Variants in CELA3A observed in about 807,000 individuals in gnomAD.
The protein encoded by CELA3A is chymotrypsin like elastase 3A.
A neutral mutation model predicts 38.6 loss-of-function variants in CELA3A; 35 were observed. The ratio of observed to expected loss-of-function variants is 0.91; its 90% CI spans 0.69 to 1.20. The LOEUF is 1.20. Ranked by LOEUF, CELA3A falls within the 50% of genes most tolerant of loss-of-function variation. The pLI is 0.00. For synonymous variants in CELA3A, 143 were observed against 136.7 expected, an observed-to-expected ratio of 1.05 and a Z score of -0.32; for missense variants, 343 against 354.2, an observed-to-expected ratio of 0.97 and a Z score of 0.25.
Position 22,001,749 on chromosome 1 carries a change from G to T in CELA3A, c.43+32G>T, listed in dbSNP as rs764513432. The stretch of plus-strand genomic sequence containing the variant: ...CCCCAACCTGTCTGTGTGCTCCCTG[G>T]GCTGCCCTGGACTAGGAATCCTTGA... On this transcript the variant is annotated intron_variant, in intron 1 of 7. Coordinates refer to ENST00000290122, the MANE Select transcript of CELA3A (RefSeq NM_005747.5). 7 of 1,610,844 alleles carry T rather than the reference G, an allele frequency of 4.3e-6. 1 individual carries two copies. Among genetic ancestry groups the T allele is most frequent in the Non-Finnish European group, 5.9e-6 (7 of 1,178,238 alleles).
At chr1:22,005,628 G>T (rs773020499) in intron 3 of CELA3A, 34 bp from the exon 4 acceptor site, 1 of 1,612,356 alleles carries the variant, frequency 6.2e-7, no homozygotes, top group Non-Finnish European at 8.5e-7. Flanking sequence ...AGGTGAGCCA[G>T]TCAGGCCCCG....
chr1:22,007,642 C>G, intron 6 of CELA3A, 127 bp downstream of exon 6: 2 of 1,447,636 alleles, frequency 1.4e-6, no homozygotes, highest in South Asian at 1.4e-5. Flanking sequence ...CCAGGCAGGA[C>G]TTGGAGGAAA....
In CELA3A at chr1:22,005,722, C is replaced by T. The variant is rs541381745; in HGVS notation, c.288C>T (p.Pro96=). The change falls in exon 4 of 8, where the codon CCC becomes CCT. Residue 96 remains proline (P), a synonymous_variant. Transcript: ENST00000290122. ...GEYNLAVKEG[P]EQVIPINSEE... ...ACAACCTTGCTGTGAAGGAGGGCCC[C>T]GAGCAGGTGATCCCCATCAACTCTG... 14 of 1,612,374 alleles carry T rather than the reference C, an allele frequency of 8.7e-6. No individual in the cohort carries two copies. In the East Asian group the frequency reaches 8.9e-5, roughly 10 times the overall value.
Position 22,003,054 on chromosome 1 carries a change from G to A in CELA3A, c.95G>A (p.Gly32Asp), listed in dbSNP as rs769383326. Residue 32 changes from glycine to aspartate, a missense_variant, in exon 2 of 8, where the codon GGT becomes GAT. Gly to Asp is a moderately conservative substitution (Grantham distance 94). Coordinates refer to ENST00000290122, the MANE Select transcript of CELA3A (RefSeq NM_005747.5). ...CACTCTTCCAGCCGCGTTGTCCATG[G>A]TGAGGATGCGGTCCCCTACAGCTGG... The part of the protein sequence containing the change: ...SSHSSSRVVH[G>D]EDAVPYSWPW... 1.3e-6 allele frequency: 2 copies of A among 1,573,954 alleles called. No homozygotes were observed. Among genetic ancestry groups the A allele is most frequent in the Admixed American group, 1.7e-5 (1 of 58,788 alleles).
chr1:22,003,941 T>G (rs1428898371), intron 2 of CELA3A, among the ~76,000 whole-genome samples: 1 of 150,820 alleles, frequency 6.6e-6, no homozygotes, highest in Non-Finnish European at 1.5e-5. Flanking sequence ...TGACCTCAGG[T>G]GATCCACCTG....
At chr1:22,008,152 C>CTTTTTTTTTTTTTTTTTT (rs71016968) in intron 6 of CELA3A, among the ~76,000 whole-genome samples, 3 of 86,844 alleles carry the variant, frequency 3.5e-5, no homozygotes, top group Non-Finnish European at 7.1e-5. Context: ...GACGTTGTCT[C>CTTTTTTTTTTTTTTTTTT]TTTTTTTTTT....
rs1334316909 is a variant in CELA3A at position 22,005,492 on chromosome 1, G to A, written c.175G>A (p.Gly59Ser). The stretch of plus-strand genomic sequence containing the variant: ...AAGTGGAAGCTTCTACCACACGTGT[G>A]GCGGTAGCCTCATCGCCCCCGATTG... ...EKSGSFYHTC[G>S]GSLIAPDWVV... The change falls in exon 3 of 8, where the codon GGC (glycine) becomes AGC (serine). Residue 59 changes from glycine to serine, a missense_variant. By Grantham distance (56) the Gly-to-Ser change is moderately conservative. Coordinates refer to ENST00000290122, the MANE Select transcript of CELA3A (RefSeq NM_005747.5). 9.9e-6 allele frequency: 16 copies of A among 1,613,120 alleles called. No homozygotes were observed. The highest frequency in any genetic ancestry group is 1.4e-5 in the Non-Finnish European group (16 of 1,179,644).
chr1:22,007,680 G>A (rs1644959682), intron 6 of CELA3A, among the ~76,000 whole-genome samples, 165 bp downstream of exon 6: 1 of 150,996 alleles, frequency 6.6e-6, no homozygotes. Flanking sequence ...CAGAGCCCAG[G>A]CCTGGGAGTC....
At chr1:22,008,996 T>C (rs1569874207) in intron 6 of CELA3A, among the ~76,000 whole-genome samples, 1 of 151,662 alleles carries the variant, frequency 6.6e-6, no homozygotes, top group African/African-American at 2.4e-5. Context: ...TATAATCCCT[T>C]TGGGAGGCCC....
chr1:22,009,225 G>A (rs758187355), intron 6 of CELA3A, among the ~76,000 whole-genome samples: 20 of 151,398 alleles, frequency 1.3e-4, no homozygotes, highest in Non-Finnish European at 2.1e-4. Context: ...TTAGCCGGGC[G>A]TGGTAGTGGG....
At chr1:22,003,316 A>G (rs1284449085) in intron 2 of CELA3A, among the ~76,000 whole-genome samples, 1 of 151,132 alleles carries the variant, frequency 6.6e-6, no homozygotes, top group Non-Finnish European at 1.5e-5. Flanking sequence ...GGTGAAGGAA[A>G]TGCTAAACTC....
intron 7 of CELA3A, among the ~76,000 whole-genome samples, chr1:22,011,603 T>TA: frequency 8.0e-6 from 1 of 124,678 alleles, no homozygotes; most frequent in Non-Finnish European, 1.6e-5. Flanking sequence ...TACAAAAATA[T>TA]AAAAAAATTG....
chr1:22,005,834 C>G (rs753333660), intron 4 of CELA3A, 38 bp downstream of exon 4: 10 of 1,608,690 alleles, frequency 6.2e-6, no homozygotes, highest in Admixed American at 1.7e-5. Context: ...AGGGGCTCCT[C>G]TACTTGTCCC....
chr1:22,006,282 T>C (rs1043570836), intron 4 of CELA3A, among the ~76,000 whole-genome samples: 1 of 151,542 alleles, frequency 6.6e-6, no homozygotes, highest in Admixed American at 6.6e-5. Flanking sequence ...TTGCCATTTG[T>C]CAAAAGGTGA....
At position 22,005,587 on chromosome 1, in the gene CELA3A, G is replaced by C. The variant is rs376576486; in HGVS notation, c.227+43G>C. On this transcript the variant is annotated intron_variant, in intron 3 of 7. Coordinates refer to ENST00000290122, the MANE Select transcript of CELA3A (RefSeq NM_005747.5). ...TCCCTGCCTGTGGCCCTGGGCAGCG[G>C]GGGAGAGTGGGTGATGATGGGGAAG... 2.5e-4 allele frequency: 405 copies of C among 1,612,236 alleles called. 10 individuals are homozygous for C. The South Asian group carries it at 2.5e-3, about 10-fold the overall frequency.
chr1:22,003,043 C>T lies in CELA3A; in HGVS notation c.84C>T (p.Arg28=), dbSNP rs746312349. ...CACCTTCCTCTCACTCTTCCAGCCG[C>T]GTTGTCCATGGTGAGGATGCGGTCC... The part of the protein sequence containing the change: ...YGPPSSHSSS[R]VVHGEDAVPY... Residue 28 remains arginine (R), a synonymous_variant, in exon 2 of 8, where the codon CGC becomes CGT. Transcript: ENST00000290122. The T allele has an allele frequency of 7.6e-6, 12 of 1,571,970 alleles. No homozygotes were observed. The highest frequency in any genetic ancestry group is 1.7e-4 in the Middle Eastern group (1 of 5,964).
intron 1 of CELA3A, among the ~76,000 whole-genome samples, chr1:22,001,988 G>T (rs1357434949): frequency 1.3e-5 from 2 of 150,964 alleles, no homozygotes; most frequent in Non-Finnish European, 2.9e-5. Flanking sequence ...TAAGAGTTTG[G>T]ACTGTGTGGT....
chr1:22,008,403 G>A (rs1644963806), intron 6 of CELA3A, among the ~76,000 whole-genome samples: 1 of 150,650 alleles, frequency 6.6e-6, no homozygotes, highest in South Asian at 2.1e-4. Context: ...CTCCTGCCTT[G>A]GCCTTCCAAA....
intron 2 of CELA3A, among the ~76,000 whole-genome samples, chr1:22,003,684 A>AC (rs1644931437): frequency 1.3e-5 from 2 of 150,808 alleles, no homozygotes; most frequent in South Asian, 4.2e-4. Context: ...TCTGTCTCAA[A>AC]AAAAAAAATT....
Sources: gnomAD v4.1 joint callset for allele counts (sites outside exome capture counted in the v4.1 genomes callset) on GRCh38, gnomAD v4.1.1 for gene constraint, MANE v1.5 for transcripts, NCBI Gene and HGNC (gene_info 2026-07-23, HGNC 2026-07-21) for gene names.